SPG11: variants seen among roughly 807,000 people sequenced by gnomAD.
The protein encoded by SPG11 is spatacsin.
A neutral mutation model predicts 274.0 loss-of-function variants in SPG11; 222 were observed. The observed-to-expected ratio is 0.81, with a 90% CI of 0.73 to 0.91. The LOEUF is 0.91. SPG11 is among the 40% of genes least tolerant of loss of function. The pLI is 0.00. For missense variants in SPG11, 3,114 were observed against 2,872.7 expected (o/e 1.08, Z -1.92); for synonymous variants, 1,144 against 1,039.7 (o/e 1.10, Z -1.93).
Position 44,615,418 on chromosome 15 carries a change from A to G in SPG11, c.2983T>C (p.Tyr995His). The change falls in exon 16 of 40, where the codon TAT (tyrosine) becomes CAT (histidine). Residue 995 changes from tyrosine (Y) to histidine (H), a missense_variant. Physicochemically the swap from Tyr to His is moderately conservative, Grantham distance 83 (BLOSUM62 2). Coordinates refer to ENST00000261866, the MANE Select transcript of SPG11 (RefSeq NM_025137.4). ...TGCTGCAGACTGTGCTCCAAACAAT[A>G]GAGAATGAATTGAGAATGGAAATCC... ...GWDFHSQFIL[Y>H]CLEHSLQHLL... 1 of 1,614,122 alleles carries G rather than the reference A, an allele frequency of 6.2e-7. No homozygotes were observed. The highest frequency in any genetic ancestry group is 1.1e-5 in the South Asian group (1 of 91,078).
chr15:44,642,970 T>A (rs2141083655), intron 7 of SPG11, among the ~76,000 whole-genome samples: 1 of 152,314 alleles, frequency 6.6e-6, no homozygotes, highest in East Asian at 1.9e-4. Context: ...TTCAAAGATA[T>A]CCATGATATT....
rs1434992344 is a variant in SPG11 at position 44,613,511 on chromosome 15, A to G, written c.3064T>C (p.Leu1022=). 2 of 1,613,494 alleles carry G rather than the reference A, an allele frequency of 1.2e-6. No individual in the cohort carries two copies. The highest frequency in any genetic ancestry group is 1.3e-5 in the African/African-American group (1 of 74,906). ...YKLSPENCPF[L]EKKELHEAHP... ...GCTTCATGTAACTCTTTTTTTTCCA[A>G]AAAGGGACAATTTTCAGGACTAAGT... The change falls in exon 17 of 40, where the codon TTG becomes CTG. Residue 1022 remains leucine (L), a synonymous_variant. Transcript: ENST00000261866.
At chr15:44,631,893 C>T (rs1027752113) in intron 8 of SPG11, among the ~76,000 whole-genome samples, 5 of 149,818 alleles carry the variant, frequency 3.3e-5, no homozygotes, top group Non-Finnish European at 7.4e-5. Context: ...ACTGCAGCCT[C>T]AACCTCCCAG....
intron 15 of SPG11, among the ~76,000 whole-genome samples, chr15:44,617,397 C>T (rs963309032): frequency 7.2e-5 from 11 of 152,220 alleles, no homozygotes; most frequent in African/African-American, 2.7e-4. Context: ...TAATGTACAA[C>T]ACAAGGTAGG....
At chr15:44,647,844 C>T (rs754990929) in intron 7 of SPG11, among the ~76,000 whole-genome samples, 85 of 152,174 alleles carry the variant, frequency 5.6e-4, no homozygotes, top group Non-Finnish European at 1.1e-3. Context: ...GGCTGCACAA[C>T]TCTGAATATA....
rs1214258533 is a variant in SPG11 at position 44,608,602 on chromosome 15, C to T, written c.3295G>A (p.Val1099Ile). Residue 1099 changes from valine (V) to isoleucine (I), a missense_variant, in exon 19 of 40, where the codon GTT (valine) becomes ATT (isoleucine). Transcript: ENST00000261866. The stretch of plus-strand genomic sequence containing the variant: ...CAGTTTTCATTTTCTTCATTCTGAA[C>T]AACCTAAGTAAAAAAACAGATAACA... The part of the protein sequence containing the change: ...MYSPGGVSQV[V>I]QNEENENCLK... 1 of 1,613,644 alleles carries T rather than the reference C, an allele frequency of 6.2e-7. No individual in the cohort carries two copies.
chr15:44,595,455 G>A lies in SPG11; in HGVS notation c.4439C>T (p.Ala1480Val). Residue 1480 changes from alanine (A) to valine (V), a missense_variant, in exon 26 of 40, where the codon GCC becomes GTC. Transcript: ENST00000261866. ...LSVLASCLQG[A>V]SAISCLCVWI... is the part of the protein sequence containing the mutation. The stretch of plus-strand genomic sequence containing the variant: ...AACACAGAGACAAGAAATGGCACTG[G>A]CACCCTGCCACGGGATAAATAAAAT... 1 of 1,614,064 alleles carries A rather than the reference G, an allele frequency of 6.2e-7. No homozygotes were observed. The highest frequency in any genetic ancestry group is 8.5e-7 in the Non-Finnish European group (1 of 1,179,954).
In SPG11 at chr15:44,659,155, T is replaced by G; in HGVS notation, c.591A>C (p.Ala197=). Residue 197 remains alanine, a synonymous_variant, in exon 3 of 40, where the codon GCA becomes GCC. Coordinates refer to ENST00000261866, the MANE Select transcript of SPG11 (RefSeq NM_025137.4). ...VLNCFTLPLP[A]QAVDMIIDTQ... is the part of the protein sequence containing the mutation. ...TGTCAATAATCATGTCCACTGCCTG[T>G]GCAGGCAAGGGAAGTGTGAAACAGT... The G allele has an allele frequency of 6.2e-7, 1 of 1,614,192 alleles. No individual in the cohort carries two copies. Among genetic ancestry groups the G allele is most frequent in the East Asian group, 2.2e-5 (1 of 44,872 alleles).
Position 44,620,190 on chromosome 15 carries a change from C to T in SPG11, c.2834G>A (p.Arg945Lys). ...GGTATTAGTTCAACAGTTATAATAC[C>T]TGGCCAGCTTATCTAAAATTTCATT... ...MRNEILDKLARNGVFLASELE... is the reference protein window; with the variant it reads ...MRNEILDKLAKNGVFLASELE... Residue 945 changes from arginine to lysine, a missense_variant and splice_region_variant, in exon 15 of 40, where the codon AGG becomes AAG. Physicochemically the swap from Arg to Lys is conservative, Grantham distance 26. Coordinates refer to ENST00000261866, the MANE Select transcript of SPG11 (RefSeq NM_025137.4). 1 of 1,610,902 alleles carries T rather than the reference C, an allele frequency of 6.2e-7. No homozygotes were observed. The highest frequency in any genetic ancestry group is 8.5e-7 in the Non-Finnish European group (1 of 1,177,330).
intron 12 of SPG11, 190 bp downstream of exon 12, chr15:44,622,538 G>T: frequency 1.3e-6 from 1 of 743,498 alleles, no homozygotes; most frequent in South Asian, 1.8e-5. Context: ...ATTTTCTTTT[G>T]CCACAAATGT....
Position 44,567,495 on chromosome 15 carries a change from C to T in SPG11, c.6683G>A (p.Cys2228Tyr). The T allele has an allele frequency of 1.2e-6, 2 of 1,614,086 alleles. No individual in the cohort carries two copies. The highest frequency in any genetic ancestry group is 1.7e-6 in the Non-Finnish European group (2 of 1,180,024). ...HNMIALCFSM[C>Y]REIGENHEAA... ...CTCGTGGTTCTCGCCAATCTCCCGG[C>T]ACATGCTGAAGCACAGGGCAATCAT... The change falls in exon 36 of 40, where the codon TGC becomes TAC. Residue 2228 changes from cysteine (C) to tyrosine (Y), a missense_variant. Cys to Tyr is a radical substitution (Grantham distance 194). Coordinates refer to ENST00000261866, the MANE Select transcript of SPG11 (RefSeq NM_025137.4).
intron 7 of SPG11, among the ~76,000 whole-genome samples, chr15:44,637,974 A>G (rs753977354): frequency 3.9e-5 from 6 of 152,182 alleles, no homozygotes; most frequent in Non-Finnish European, 8.8e-5. Flanking sequence ...TAGGCCTAGG[A>G]TATGTATGTG....
chr15:44,605,997 G>A, intron 20 of SPG11, 28 bp downstream of exon 20: 3 of 1,587,902 alleles, frequency 1.9e-6, no homozygotes, highest in African/African-American at 1.3e-5. Flanking sequence ...GCTAAAACAT[G>A]TCTCAAGAAG....
chr15:44,657,409 G>C (rs1454855406), intron 3 of SPG11, 113 bp from the exon 4 acceptor site: 4 of 940,380 alleles, frequency 4.3e-6, no homozygotes, highest in Non-Finnish European at 1.6e-6. Flanking sequence ...AGGTATAACA[G>C]AAGAAGACTG....
intron 14 of SPG11, 102 bp downstream of exon 14, chr15:44,621,657 C>T (rs558643477): frequency 2.4e-5 from 28 of 1,161,930 alleles, no homozygotes; most frequent in Middle Eastern, 2.0e-4. Context: ...TATTATTTCC[C>T]GAAAGGAATT....
At position 44,648,915 on chromosome 15, in the gene SPG11, CAA is replaced by C. The variant is rs312262730; in HGVS notation, c.1551_1552del (p.Cys518SerfsTer39). The C allele has an allele frequency of 1.9e-6, 3 of 1,614,118 alleles. No homozygotes were observed. The highest frequency in any genetic ancestry group is 1.6e-4 in the Middle Eastern group (1 of 6,062). On this transcript the variant is annotated frameshift_variant, in exon 7 of 40. Coordinates refer to ENST00000261866, the MANE Select transcript of SPG11 (RefSeq NM_025137.4). LOFTEE classifies it high-confidence loss of function. ...GCACCTTCCCCAGCCATTGAGATGA[CAA>C]AGAGTGTCCACAGTGCTGGCACTTC...
chr15:44,585,981 C>CTT, intron 28 of SPG11, 131 bp from the exon 29 acceptor site: 87 of 527,662 alleles, frequency 1.6e-4, no homozygotes, highest in East Asian at 3.8e-4. Flanking sequence ...AAATAAAAAG[C>CTT]TGTTTTTTTT....
At chr15:44,594,596 G>GAA (rs35547796) in intron 26 of SPG11, among the ~76,000 whole-genome samples, 26 of 71,042 alleles carry the variant, frequency 3.7e-4, no homozygotes, top group African/African-American at 5.4e-4. Context: ...TTAAAAATGC[G>GAA]AAAAAAAAAA....
intron 30 of SPG11, among the ~76,000 whole-genome samples, chr15:44,577,512 A>AC (rs2082563797): frequency 1.3e-5 from 2 of 151,388 alleles, no homozygotes; most frequent in Admixed American, 1.3e-4. Context: ...CAAAAAAAAA[A>AC]AAAAAAACAA....
Sources: gnomAD v4.1 joint callset for allele counts (sites outside exome capture counted in the v4.1 genomes callset) on GRCh38, gnomAD v4.1.1 for gene constraint, MANE v1.5 for transcripts, NCBI Gene and HGNC (gene_info 2026-07-23, HGNC 2026-07-21) for gene names.